The following CCDC12 variants were observed in gnomAD, a reference collection of about 807,000 sequenced individuals.
CCDC12 encodes coiled-coil domain-containing protein 12.
CCDC12 carries 28 observed loss-of-function variants against 25.7 expected under a neutral mutation model. The observed-to-expected ratio is 1.09, with a 90% confidence interval of 0.81 to 1.50. CCDC12 has a LOEUF of 1.50. Ranked by LOEUF, CCDC12 falls within the 40% of genes most tolerant of loss-of-function variation. The pLI, the probability that CCDC12 is intolerant of heterozygous loss-of-function variation, is 0.00. For missense variants in CCDC12, 198 were observed against 210.0 expected (o/e 0.94, Z 0.35); for synonymous variants, 75 against 87.7 (o/e 0.86, Z 0.81).
chr3:46,943,822 G>A (rs941109988), intron 1 of CCDC12, among the ~76,000 whole-genome samples: 1 of 152,226 alleles, frequency 6.6e-6, no homozygotes, highest in African/African-American at 2.4e-5. Context: ...CCCAGCCTGG[G>A]ATGCTGTGCA....
At chr3:46,963,070 T>C (rs1227144293) in intron 1 of CCDC12, among the ~76,000 whole-genome samples, 1 of 152,216 alleles carries the variant, frequency 6.6e-6, no homozygotes, top group Non-Finnish European at 1.5e-5. Flanking sequence ...AGAGGCCAGA[T>C]ACAGAAAACT....
chr3:46,923,452 AGAG>A (rs748254947), intron 4 of CCDC12, 89 bp from the exon 5 acceptor site: 10 of 1,537,634 alleles, frequency 6.5e-6, no homozygotes, highest in African/African-American at 4.1e-5. Flanking sequence ...AATGGGAGAA[AGAG>A]GAGGAGGAAG....
At chr3:46,947,281 T>G (rs1365884911) in intron 1 of CCDC12, among the ~76,000 whole-genome samples, 5 of 151,420 alleles carry the variant, frequency 3.3e-5, no homozygotes, top group African/African-American at 1.2e-4. Context: ...TGCCTGAAGG[T>G]GACAGGAAGA....
chr3:46,958,623 C>A (rs897248635), intron 1 of CCDC12, among the ~76,000 whole-genome samples: 1 of 152,128 alleles, frequency 6.6e-6, no homozygotes, highest in Non-Finnish European at 1.5e-5. Context: ...CTCAAAGTTG[C>A]GTTACATTCC....
intron 1 of CCDC12, among the ~76,000 whole-genome samples, chr3:46,944,869 C>G (rs1575549165): frequency 6.6e-6 from 1 of 152,210 alleles, no homozygotes; most frequent in African/African-American, 2.4e-5. Context: ...CTCCACACCC[C>G]CAGGACAACA....
At chr3:46,949,587 C>T (rs2034034710) in intron 1 of CCDC12, among the ~76,000 whole-genome samples, 1 of 152,204 alleles carries the variant, frequency 6.6e-6, no homozygotes, top group Non-Finnish European at 1.5e-5. Flanking sequence ...GGACACACTG[C>T]TTACCAGTGG....
At chr3:46,962,837 C>T (rs900218967) in intron 1 of CCDC12, among the ~76,000 whole-genome samples, 9 of 152,290 alleles carry the variant, frequency 5.9e-5, no homozygotes, top group South Asian at 2.1e-4. Flanking sequence ...ATACACCCTA[C>T]GGCCTAGCAA....
chr3:46,924,090 G>A (rs145923091), intron 3 of CCDC12: 41 of 161,848 alleles, frequency 2.5e-4, no homozygotes, highest in Non-Finnish European at 3.7e-4. Flanking sequence ...CACCTCAGGT[G>A]TATGCTCCCA....
chr3:46,943,017 G>T (rs143610598), intron 1 of CCDC12, among the ~76,000 whole-genome samples: 2 of 152,162 alleles, frequency 1.3e-5, no homozygotes, highest in African/African-American at 2.4e-5. Flanking sequence ...GGCAATGGCC[G>T]AACACAGAGG....
At chr3:46,976,126 G>T (rs899602872) in intron 1 of CCDC12, 1 of 183,178 alleles carries the variant, frequency 5.5e-6, no homozygotes, top group African/African-American at 2.4e-5. Context: ...GATTACAGGC[G>T]TGAGCCACCG....
chr3:46,953,619 T>C (rs1025394475), intron 1 of CCDC12, among the ~76,000 whole-genome samples: 1 of 149,560 alleles, frequency 6.7e-6, no homozygotes, highest in African/African-American at 2.5e-5. Flanking sequence ...CACAGCCTTG[T>C]CAATGCCTAA....
At chr3:46,931,830 G>T (rs138613725) in intron 2 of CCDC12, among the ~76,000 whole-genome samples, 353 of 152,372 alleles carry the variant, frequency 2.3e-3, no homozygotes, top group African/African-American at 6.7e-3. Context: ...ACTGACCAGA[G>T]AGACTGGCAA....
intron 1 of CCDC12, among the ~76,000 whole-genome samples, chr3:46,963,487 G>C (rs879721919): frequency 1.7e-4 from 26 of 151,574 alleles, no homozygotes; most frequent in African/African-American, 6.1e-4. Context: ...CTCTTTCCAC[G>C]GTCTCCCTCT....
At chr3:46,955,258 T>C (rs1177332630) in intron 1 of CCDC12, among the ~76,000 whole-genome samples, 1 of 152,148 alleles carries the variant, frequency 6.6e-6, no homozygotes, top group Non-Finnish European at 1.5e-5. Flanking sequence ...CCCAAATCCA[T>C]GTGCCTGCCT....
chr3:46,927,250 G>T (rs1359747554), intron 2 of CCDC12, among the ~76,000 whole-genome samples: 1 of 152,178 alleles, frequency 6.6e-6, no homozygotes, highest in Admixed American at 6.5e-5. Context: ...GGGCCTGGAG[G>T]TACATGTCAG....
chr3:46,973,520 A>G (rs2034870482), intron 1 of CCDC12, among the ~76,000 whole-genome samples: 2 of 151,686 alleles, frequency 1.3e-5, no homozygotes, highest in Admixed American at 1.3e-4. Context: ...AAGAATTACC[A>G]TATGATCCAG....
intron 1 of CCDC12, among the ~76,000 whole-genome samples, chr3:46,951,778 T>G (rs112683230): frequency 4.9e-4 from 1 of 2,024 alleles, no homozygotes; most frequent in Non-Finnish European, 3.6e-3. Context: ...AGACTCCGTC[T>G]CAAAAAAAAA....
intron 1 of CCDC12, among the ~76,000 whole-genome samples, chr3:46,957,383 C>T (rs1368027156): frequency 6.6e-6 from 1 of 152,118 alleles, no homozygotes; most frequent in Non-Finnish European, 1.5e-5. Flanking sequence ...AGGCTGTGTA[C>T]CTCTAAGGCT....
At chr3:46,940,612 A>G in intron 2 of CCDC12, 1 of 200,596 alleles carries the variant, frequency 5.0e-6, no homozygotes, top group South Asian at 1.1e-4. Context: ...GGCTAGAGGG[A>G]AACCAGAGGA....
Sources: allele counts gnomAD v4.1 joint callset (sites outside exome capture counted in the v4.1 genomes callset), GRCh38; gene constraint gnomAD v4.1.1; transcripts MANE v1.5; gene names NCBI Gene and HGNC (gene_info 2026-07-23, HGNC 2026-07-21).